The following DOCK1 variants were observed in gnomAD, a reference collection of about 807,000 sequenced individuals.
The protein encoded by DOCK1 is dedicator of cytokinesis 1, also known as dedicator of cytokinesis protein 1.
DOCK1 carries 138 observed loss-of-function variants against 262.7 expected under a neutral mutation model. The observed-to-expected ratio is 0.53, with a 90% CI of 0.46 to 0.61. The LOEUF (loss-of-function observed/expected upper bound fraction) is 0.61. Among genes scored for constraint, DOCK1 ranks in the 20% least tolerant of loss-of-function variants. The pLI is 0.00. For synonymous variants in DOCK1, 866 were observed against 867.4 expected (o/e 1.00, Z 0.03); for missense variants, 1,908 against 2,370.7 (o/e 0.80, Z 4.05).
intron 38 of DOCK1, among the ~76,000 whole-genome samples, chr10:127,400,057 C>A (rs2067132586): frequency 6.6e-6 from 1 of 152,132 alleles, no homozygotes; most frequent in African/African-American, 2.4e-5. Context: ...ATGTCTTGGG[C>A]CACCTCCTAC....
At chr10:126,962,934 T>C (rs943866184) in intron 1 of DOCK1, among the ~76,000 whole-genome samples, 5 of 152,206 alleles carry the variant, frequency 3.3e-5, no homozygotes, top group Non-Finnish European at 7.3e-5. Context: ...CTTCATTTTT[T>C]TTTGCAAGTG....
intron 27 of DOCK1, among the ~76,000 whole-genome samples, chr10:127,177,476 T>C (rs2055270199): frequency 1.3e-5 from 2 of 152,250 alleles, no homozygotes; most frequent in Admixed American, 6.5e-5. Flanking sequence ...GTGTGTTGTT[T>C]GTGAGTGAGG....
intron 18 of DOCK1, among the ~76,000 whole-genome samples, chr10:127,035,402 G>C (rs1484751736): frequency 7.2e-5 from 11 of 152,140 alleles, no homozygotes; most frequent in Admixed American, 7.2e-4. Context: ...AATATGGGCT[G>C]TGAGTCCCGG....
chr10:127,238,301 G>A (rs1490576523), intron 27 of DOCK1, among the ~76,000 whole-genome samples: 1 of 152,140 alleles, frequency 6.6e-6, no homozygotes, highest in Non-Finnish European at 1.5e-5. Context: ...GTGATCCTGT[G>A]TGCTTAGCAT....
At chr10:127,422,158 CTTTTT>C (rs35535729) in intron 46 of DOCK1, among the ~76,000 whole-genome samples, 15 of 61,370 alleles carry the variant, frequency 2.4e-4, no homozygotes, top group South Asian at 7.7e-4. Flanking sequence ...TTTTGTTTGT[CTTTTT>C]TTTTTTTTTT....
intron 1 of DOCK1, among the ~76,000 whole-genome samples, chr10:126,922,201 C>A (rs1228026246): frequency 5.2e-5 from 7 of 135,256 alleles, no homozygotes; most frequent in Admixed American, 1.6e-4. Context: ...CAGAGTACGA[C>A]CCTGTATCAA....
chr10:127,225,343 G>C (rs1231960912), intron 27 of DOCK1, among the ~76,000 whole-genome samples: 1 of 152,256 alleles, frequency 6.6e-6, no homozygotes, highest in African/African-American at 2.4e-5. Flanking sequence ...GGGGTCTGCA[G>C]TAACTTCCTG....
At chr10:127,405,133 C>G (rs1013962896) in intron 40 of DOCK1, among the ~76,000 whole-genome samples, 2 of 152,174 alleles carry the variant, frequency 1.3e-5, no homozygotes, top group African/African-American at 4.8e-5. Context: ...CAATGTGCTG[C>G]TATGAAGATG....
chr10:127,223,489 A>C lies in DOCK1; in HGVS notation c.2848-24519A>C, dbSNP rs1410040341. Among the ~76,000 whole-genome samples, 3 of 152,114 alleles carry C rather than the reference A, an allele frequency of 2.0e-5. No homozygotes were observed. The East Asian group carries it at 5.8e-4, about 29-fold the overall frequency. ...AATCGGAAATGCTCCAAAACCCCAA[A>C]ATTTTTGTGTGCTAACATGATGCTC... On this transcript the variant is annotated intron_variant, in intron 27 of 51. Coordinates refer to ENST00000623213, the MANE Select transcript of DOCK1 (RefSeq NM_001290223.2).
chr10:127,234,415 T>TA lies in DOCK1; in HGVS notation c.2848-13587dup, dbSNP rs1379821716. On this transcript the variant is annotated intron_variant, in intron 27 of 51. Transcript: ENST00000623213. ...TACACAAAATGTTCAAAGGGTTATT[T>TA]AAAAAAGCACTCCCTCCAAAAGACA... Among the ~76,000 whole-genome samples, 8 of 152,026 alleles carry TA rather than the reference T, an allele frequency of 5.3e-5. No individual in the cohort carries two copies. The South Asian group carries it at 8.3e-4, about 16-fold the overall frequency.
chr10:127,178,626 C>T (rs1266968636), intron 27 of DOCK1, among the ~76,000 whole-genome samples: 6 of 152,198 alleles, frequency 3.9e-5, no homozygotes, highest in Non-Finnish European at 7.3e-5. Flanking sequence ...CTTGCGTAGA[C>T]AGCAAAGGAA....
At chr10:127,072,616 C>T (rs2046295422) in intron 23 of DOCK1, among the ~76,000 whole-genome samples, 1 of 152,114 alleles carries the variant, frequency 6.6e-6, no homozygotes, top group Admixed American at 6.5e-5. Context: ...AGGAAAATGC[C>T]AAACCCAGAC....
intron 23 of DOCK1, among the ~76,000 whole-genome samples, chr10:127,078,540 G>A (rs1308736787): frequency 1.3e-5 from 2 of 152,168 alleles, no homozygotes; most frequent in African/African-American, 4.8e-5. Context: ...TTCTGTGTAT[G>A]CGCAATGTAT....
At chr10:127,262,570 G>A (rs1325666856) in intron 29 of DOCK1, among the ~76,000 whole-genome samples, 7 of 143,620 alleles carry the variant, frequency 4.9e-5, no homozygotes, top group Non-Finnish European at 6.2e-5. Context: ...TGGATCAGGT[G>A]GGTTTTTGAA....
rs2034950985 is a variant in DOCK1 at position 126,941,164 on chromosome 10, A to C, written c.47-29538A>C. Among the ~76,000 whole-genome samples the C allele has an allele frequency of 3.9e-5, 6 of 152,268 alleles. No individual in the cohort carries two copies. The South Asian group carries it at 1.2e-3, about 32-fold the overall frequency. ...CTGCCGTGCAGTGTTACCAGAGGGCATTTCAGCTGTTTAAACTCCCAGAAA... is the reference window on the plus strand; with the variant it reads ...CTGCCGTGCAGTGTTACCAGAGGGCCTTTCAGCTGTTTAAACTCCCAGAAA... On this transcript the variant is annotated intron_variant, in intron 1 of 51. Transcript: ENST00000623213.
intron 29 of DOCK1, among the ~76,000 whole-genome samples, chr10:127,308,664 T>G (rs2135481576): frequency 6.6e-6 from 1 of 152,298 alleles, no homozygotes; most frequent in Admixed American, 6.5e-5. Context: ...CAACTCCCAC[T>G]TATGAGTGAG....
At chr10:127,268,270 C>T (rs535480338) in intron 29 of DOCK1, among the ~76,000 whole-genome samples, 31 of 152,032 alleles carry the variant, frequency 2.0e-4, no homozygotes, top group African/African-American at 6.8e-4. Flanking sequence ...GTAATCCCAG[C>T]ACTTTGGGAG....
At chr10:127,093,219 T>TTTCTTTCTTTCTTTCTTTCTTTCTTTTC (rs149382008) in intron 23 of DOCK1, among the ~76,000 whole-genome samples, 1 of 62,904 alleles carries the variant, frequency 1.6e-5, no homozygotes, top group Admixed American at 1.6e-4. Flanking sequence ...TCTTTCTTTC[T>TTTCTTTCTTTCTTTCTTTCTTTCTTTTC]TTTCTTTCTT....
intron 33 of DOCK1, among the ~76,000 whole-genome samples, chr10:127,363,997 A>G (rs1282878287): frequency 6.6e-6 from 1 of 152,228 alleles, no homozygotes. Context: ...TCAGACCTGT[A>G]CAATCCCTAG....
Sources: allele counts gnomAD v4.1 joint callset (sites outside exome capture counted in the v4.1 genomes callset), GRCh38; gene constraint gnomAD v4.1.1; transcripts MANE v1.5; gene names NCBI Gene and HGNC (gene_info 2026-07-23, HGNC 2026-07-21).